WDR91: variants seen among roughly 807,000 people sequenced by gnomAD.
WDR91 encodes the protein WD repeat domain 91.
Under a neutral mutation model 88.4 loss-of-function variants are expected in WDR91, and 52 were observed. The observed-to-expected ratio is 0.59, with a 90% confidence interval of 0.47 to 0.74. The LOEUF (loss-of-function observed/expected upper bound fraction) is 0.74, where lower values mean the gene tolerates loss of function less well. WDR91 is among the 30% of genes least tolerant of loss of function. The probability of loss-of-function intolerance (pLI) is 0.00; values close to 1 mark genes in which losing one functional copy is unlikely to be tolerated. For synonymous variants in WDR91, 362 were observed against 389.5 expected, an observed-to-expected ratio of 0.93 and a Z score of 0.83; for missense variants, 824 against 954.5, an observed-to-expected ratio of 0.86 and a Z score of 1.80.
intron 6 of WDR91, chr7:135,198,552 T>C (rs1831460056): frequency 6.1e-6 from 1 of 163,312 alleles, no homozygotes; most frequent in African/African-American, 2.4e-5. Context: ...AAAAATTATT[T>C]ATGCAACAAG....
intron 6 of WDR91, among the ~76,000 whole-genome samples, chr7:135,203,111 T>TGAGC (rs1359372289): frequency 3.9e-5 from 6 of 152,208 alleles, no homozygotes; most frequent in Admixed American, 3.9e-4. Context: ...TTACCCAACC[T>TGAGC]GAGCACCAAT....
At chr7:135,193,787 C>G in intron 9 of WDR91, 115 bp from the exon 10 acceptor site, 1 of 777,970 alleles carries the variant, frequency 1.3e-6, no homozygotes, top group South Asian at 1.6e-5. Context: ...CCCTCCTCTA[C>G]GCATCCAGGC....
intron 10 of WDR91, 78 bp downstream of exon 10, chr7:135,193,500 G>A: frequency 1.9e-6 from 3 of 1,611,134 alleles, no homozygotes; most frequent in East Asian, 2.2e-5. Flanking sequence ...TGGGGCATTA[G>A]GCTTGGGAAA....
chr7:135,194,498 G>A (rs191326723), intron 9 of WDR91, among the ~76,000 whole-genome samples: 277 of 152,322 alleles, frequency 1.8e-3, no homozygotes, highest in African/African-American at 6.4e-3. Context: ...AAATCCAGAG[G>A]GAAGAACACT....
chr7:135,186,657 T>C (rs748349388), intron 14 of WDR91, among the ~76,000 whole-genome samples: 1 of 152,242 alleles, frequency 6.6e-6, no homozygotes, highest in African/African-American at 2.4e-5. Flanking sequence ...ATCTGCTTAT[T>C]TGTTGAAGGT....
At position 135,196,173 on chromosome 7, in the gene WDR91, C is replaced by T. The variant is rs750798759; in HGVS notation, c.1215G>A (p.Gly405=). ...PFIVLGQEEY[G]EHHSSIMHCR... ...AGTGCATGATGGATGAGTGGTGTTCCCCGTACTCCTCCTGTCCCAGCACAA... is the reference window on the plus strand; with the variant it reads ...AGTGCATGATGGATGAGTGGTGTTCTCCGTACTCCTCCTGTCCCAGCACAA... The change falls in exon 8 of 15, where the codon GGG becomes GGA. Residue 405 remains glycine, a synonymous_variant. Transcript: ENST00000354475. The surrounding 1 kb of genome is among the most constrained non-coding windows in gnomAD (Gnocchi z 4.2). 35 of 1,585,212 alleles carry T rather than the reference C, an allele frequency of 2.2e-5. No homozygotes were observed. The South Asian group carries it at 3.5e-4, about 16-fold the overall frequency.
At chr7:135,209,393 T>C in intron 2 of WDR91, 183 bp downstream of exon 2, 1 of 530,404 alleles carries the variant, frequency 1.9e-6, no homozygotes, top group Non-Finnish European at 3.1e-6. Flanking sequence ...ACAAGTCAGA[T>C]GATCTACAGA....
rs891798602 is a variant in WDR91, at chr7:135,184,651, ACTCAG to A, written c.*1495_*1499del. On this transcript the variant is annotated 3_prime_UTR_variant, in exon 15 of 15. Coordinates refer to ENST00000354475, the MANE Select transcript of WDR91 (RefSeq NM_014149.4). ...CAGGGTGTGGACACAGCTGGTTGAC[ACTCAG>A]CTCAGCTACAGATCGGCTCAGCCAC... is the stretch of plus-strand genomic sequence containing the variant. 6.6e-6 allele frequency: 1 copy of A among 152,212 alleles called. No individual in the cohort carries two copies. Among genetic ancestry groups the A allele is most frequent in the African/African-American group, 2.4e-5 (1 of 41,412 alleles). The allele number at this position is 152,212 out of a possible 1,614,324, so 9.4% of individuals were successfully genotyped here. A position where few individuals can be genotyped will look rare whatever the true frequency, so the allele number is the denominator to read the frequency against.
At chr7:135,210,418 G>A (rs954824509) in intron 1 of WDR91, among the ~76,000 whole-genome samples, 1 of 152,108 alleles carries the variant, frequency 6.6e-6, no homozygotes, top group African/African-American at 2.4e-5. Context: ...TAAAAAAGGG[G>A]GTGGGGTGAA....
intron 1 of WDR91, among the ~76,000 whole-genome samples, chr7:135,210,409 A>T (rs998975213): frequency 7.9e-5 from 12 of 152,160 alleles, no homozygotes; most frequent in Non-Finnish European, 1.6e-4. Flanking sequence ...TCACATTTTT[A>T]AAAAAGGGGG....
chr7:135,192,820 T>C (rs554261025), intron 11 of WDR91, among the ~76,000 whole-genome samples: 15 of 152,158 alleles, frequency 9.9e-5, no homozygotes, highest in Admixed American at 8.5e-4. Flanking sequence ...AAGGAAGGGG[T>C]CCTTGGCTCT....
intron 1 of WDR91, chr7:135,210,826 C>G: frequency 1.4e-6 from 1 of 703,726 alleles, no homozygotes; most frequent in Admixed American, 2.0e-5. Flanking sequence ...ATATACATTC[C>G]AAGAACCTCG....
intron 14 of WDR91, among the ~76,000 whole-genome samples, chr7:135,186,628 A>G (rs1830952584): frequency 6.6e-6 from 1 of 152,056 alleles, no homozygotes; most frequent in African/African-American, 2.4e-5. Flanking sequence ...ACTTCTCACT[A>G]CCTGGCAGGT....
chr7:135,193,881 A>C, intron 9 of WDR91: 2 of 560,270 alleles, frequency 3.6e-6, no homozygotes, highest in Admixed American at 3.1e-5. Flanking sequence ...TCTAAGCAAA[A>C]CCACAAAAAG....
intron 5 of WDR91, among the ~76,000 whole-genome samples, chr7:135,205,350 T>A (rs1831727886): frequency 6.6e-6 from 1 of 152,198 alleles, no homozygotes; most frequent in Non-Finnish European, 1.5e-5. Flanking sequence ...ACTACACATA[T>A]CTGGATGTAG....
intron 6 of WDR91, 60 bp from the exon 7 acceptor site, chr7:135,198,211 T>C (rs2117673923): frequency 1.3e-6 from 2 of 1,555,858 alleles, no homozygotes; most frequent in African/African-American, 2.7e-5. Flanking sequence ...ATGATAAGCA[T>C]GCCAGGAGTG....
chr7:135,204,210 C>T (rs1831676842), intron 6 of WDR91, 58 bp downstream of exon 6: 1 of 1,589,602 alleles, frequency 6.3e-7, no homozygotes, highest in South Asian at 1.1e-5. Flanking sequence ...GGTCTGGAAG[C>T]ACAGGGAGCT....
Position 135,208,930 on chromosome 7 carries a change from C to T in WDR91, c.372G>A (p.Glu124=), listed in dbSNP as rs113348587. Reference sequence around the variant, plus strand: ...AGGGCAGGACAAACCAATCCTTCCACTCAGCCTGGTTCTGGAGTTCCGTGG... The same window carrying T: ...AGGGCAGGACAAACCAATCCTTCCATTCAGCCTGGTTCTGGAGTTCCGTGG... The part of the protein sequence containing the change: ...KQATELQNQA[E]WKDWFVLPFL... Residue 124 remains glutamate (E), a synonymous_variant, in exon 3 of 15, where the codon GAG becomes GAA. Coordinates refer to ENST00000354475, the MANE Select transcript of WDR91 (RefSeq NM_014149.4). 4,190 of 1,614,152 alleles carry T rather than the reference C, an allele frequency of 2.6e-3. 105 individuals are homozygous for T. The African/African-American group carries it at 0.051, about 20-fold the overall frequency.
chr7:135,206,202 C>A, intron 4 of WDR91, 144 bp from the exon 5 acceptor site: 2 of 1,034,476 alleles, frequency 1.9e-6, no homozygotes, highest in Non-Finnish European at 2.9e-6. Flanking sequence ...ACTCTGCTCA[C>A]TGCAGACTGG....
Sources: gnomAD v4.1 joint callset for allele counts (sites outside exome capture counted in the v4.1 genomes callset) on GRCh38, gnomAD v4.1.1 for gene constraint, Gnocchi (gnomAD v3.1) non-coding constraint, MANE v1.5 for transcripts, NCBI Gene and HGNC (gene_info 2026-07-23, HGNC 2026-07-21) for gene names.